The following KPNA6 variants were observed in gnomAD, a reference collection of about 807,000 sequenced individuals.
The protein encoded by KPNA6 is importin subunit alpha-7.
A neutral mutation model predicts 72.0 loss-of-function variants in KPNA6; 9 were observed. The ratio of observed to expected loss-of-function variants is 0.13; its 90% CI spans 0.08 to 0.22. KPNA6 has a LOEUF of 0.22. Ranked by LOEUF, KPNA6 falls within the 10% of genes least tolerant of loss-of-function variation. The pLI is 1.00. For missense variants in KPNA6, 374 were observed against 655.7 expected, an observed-to-expected ratio of 0.57 and a Z score of 4.69; for synonymous variants, 219 against 242.1, an observed-to-expected ratio of 0.90 and a Z score of 0.89.
intron 7 of KPNA6, 33 bp downstream of exon 7, chr1:32,160,736 C>T: frequency 6.4e-7 from 1 of 1,553,328 alleles, no homozygotes; most frequent in Non-Finnish European, 8.9e-7. Context: ...ACCTGGGCGT[C>T]TACTGGGTGG....
intron 1 of KPNA6, among the ~76,000 whole-genome samples, chr1:32,132,860 G>A (rs1570016790): frequency 6.6e-6 from 1 of 151,852 alleles, no homozygotes; most frequent in Non-Finnish European, 1.5e-5. Context: ...CCAAGATGGC[G>A]CCACTGCACT....
Position 32,108,100 on chromosome 1 carries a change from C to T in KPNA6, c.-31C>T, listed in dbSNP as rs780459416. On this transcript the variant is annotated 5_prime_UTR_variant, in exon 1 of 14. Transcript: ENST00000373625. ...GCCGCTGAAGCTGCCGCCGTTGCCT[C>T]CGCCGCCAAGAGTGAGCGAGCGGAC... The T allele has an allele frequency of 6.2e-7, 1 of 1,613,966 alleles. No individual in the cohort carries two copies. The highest frequency in any genetic ancestry group is 8.5e-7 in the Non-Finnish European group (1 of 1,179,898).
At chr1:32,151,729 G>A (rs1019901492) in intron 1 of KPNA6, among the ~76,000 whole-genome samples, 2 of 152,122 alleles carry the variant, frequency 1.3e-5, no homozygotes, top group Non-Finnish European at 2.9e-5. Flanking sequence ...GCTGTTGCCC[G>A]ATGTCTGAAA....
At chr1:32,117,839 C>G (rs1451388859) in intron 1 of KPNA6, among the ~76,000 whole-genome samples, 2 of 152,116 alleles carry the variant, frequency 1.3e-5, no homozygotes, top group Non-Finnish European at 2.9e-5. Context: ...AAAATATGGG[C>G]TGTTTGTACA....
At chr1:32,167,466 G>A (rs1303405527) in intron 12 of KPNA6, among the ~76,000 whole-genome samples, 170 bp downstream of exon 12, 2 of 151,970 alleles carry the variant, frequency 1.3e-5, no homozygotes, top group Non-Finnish European at 2.9e-5. Context: ...ATCTGGAATA[G>A]ATTCCATGTA....
intron 1 of KPNA6, among the ~76,000 whole-genome samples, chr1:32,124,507 CT>C (rs562731872): frequency 0.083 from 10,966 of 131,476 alleles, 607 homozygotes; most frequent in South Asian, 0.25. Flanking sequence ...GAGGCCTCAT[CT>C]TTTTTTTTTT....
intron 10 of KPNA6, 27 bp from the exon 11 acceptor site, chr1:32,166,078 T>C (rs767385779): frequency 6.4e-7 from 1 of 1,570,620 alleles, no homozygotes; most frequent in Non-Finnish European, 8.6e-7. Context: ...AATTTTTCTT[T>C]TGTTTCCTGT....
intron 1 of KPNA6, among the ~76,000 whole-genome samples, chr1:32,111,050 C>T (rs1003015294): frequency 6.6e-6 from 1 of 152,096 alleles, no homozygotes; most frequent in Admixed American, 6.6e-5. Context: ...ATAGGCCTTT[C>T]TTAGTAGCTG....
rs921407854 is a variant in KPNA6, at chr1:32,174,625, TC to T, written c.*3732del. On this transcript the variant is annotated 3_prime_UTR_variant, in exon 14 of 14. Transcript: ENST00000373625. The stretch of plus-strand genomic sequence containing the variant: ...TGGTATCCATCATCTTGAGCATTCT[TC>T]AGTAGATTCATCTAGGGTTCAGATT... The T allele has an allele frequency of 9.9e-5, 15 of 152,200 alleles. No individual in the cohort carries two copies. The highest frequency in any genetic ancestry group is 3.6e-4 in the African/African-American group (15 of 41,432). The allele number at this position is 152,200 out of a possible 1,614,324, so 9.4% of individuals were successfully genotyped here.
Position 32,150,127 on chromosome 1 carries a change from C to CTTTT in KPNA6, c.5-4441_5-4438dup, listed in dbSNP as rs35179721. ...GGATTAGATCTGGAAAATTTTTAGTCTTTTTTTTTTTTTTTTTTTTTTTGA... is the reference window on the plus strand; with the variant it reads ...GGATTAGATCTGGAAAATTTTTAGTCTTTTTTTTTTTTTTTTTTTTTTTTTTTGA... On this transcript the variant is annotated intron_variant, in intron 1 of 13. Coordinates refer to ENST00000373625, the MANE Select transcript of KPNA6 (RefSeq NM_012316.5). Among the ~76,000 whole-genome samples the CTTTT allele has an allele frequency of 1.4e-3, 124 of 87,044 alleles. 2 individuals carry two copies. The highest frequency in any genetic ancestry group is 3.9e-3 in the South Asian group (9 of 2,336). 57.1% of individuals were successfully genotyped at this position (87,044 alleles called of 152,430 possible).
At chr1:32,130,511 C>T (rs750881654) in intron 1 of KPNA6, among the ~76,000 whole-genome samples, 2 of 152,090 alleles carry the variant, frequency 1.3e-5, no homozygotes, top group East Asian at 1.9e-4. Flanking sequence ...TCAGGCCAGA[C>T]GCAGGGTCTC....
intron 1 of KPNA6, among the ~76,000 whole-genome samples, chr1:32,122,912 G>A (rs866057972): frequency 1.5e-4 from 23 of 149,810 alleles, no homozygotes; most frequent in Non-Finnish European, 1.8e-4. Context: ...AGCCGAGATC[G>A]TGCCATTGCA....
intron 11 of KPNA6, 78 bp from the exon 12 acceptor site, chr1:32,167,091 C>A: frequency 6.5e-7 from 1 of 1,537,716 alleles, no homozygotes; most frequent in Non-Finnish European, 8.9e-7. Context: ...TAAGTCTCAG[C>A]TGATTTGGGG....
chr1:32,153,306 C>T (rs1367167584), intron 1 of KPNA6, among the ~76,000 whole-genome samples: 2 of 152,032 alleles, frequency 1.3e-5, no homozygotes, highest in Admixed American at 1.3e-4. Flanking sequence ...TGGCTCATGC[C>T]TGTAATCCCA....
intron 1 of KPNA6, among the ~76,000 whole-genome samples, chr1:32,146,972 C>T (rs764494813): frequency 3.3e-5 from 5 of 152,050 alleles, no homozygotes; most frequent in Non-Finnish European, 5.9e-5. Flanking sequence ...CAATCCACCT[C>T]AGCCTCCCAA....
intron 2 of KPNA6, among the ~76,000 whole-genome samples, 173 bp from the exon 3 acceptor site, chr1:32,156,680 A>G (rs1217545981): frequency 6.6e-6 from 1 of 152,246 alleles, no homozygotes; most frequent in Admixed American, 6.5e-5. Context: ...TGACTGGATA[A>G]CTAAAATAAT....
intron 7 of KPNA6, among the ~76,000 whole-genome samples, chr1:32,161,001 C>A (rs1226487393): frequency 6.6e-6 from 1 of 152,068 alleles, no homozygotes; most frequent in African/African-American, 2.4e-5. Flanking sequence ...ACAAAAAATA[C>A]AAAAGTTAGC....
intron 1 of KPNA6, among the ~76,000 whole-genome samples, chr1:32,108,718 G>T (rs1641192112): frequency 1.3e-5 from 2 of 152,232 alleles, no homozygotes. Context: ...GTGTGGTTCG[G>T]TTGGGCTCAG....
At chr1:32,135,690 C>T (rs892482611) in intron 1 of KPNA6, among the ~76,000 whole-genome samples, 3 of 150,094 alleles carry the variant, frequency 2.0e-5, no homozygotes, top group African/African-American at 7.4e-5. Flanking sequence ...CTAGTCTTGA[C>T]CTCTTGGGCT....
Sources: gnomAD v4.1 joint callset for allele counts (sites outside exome capture counted in the v4.1 genomes callset) on GRCh38, gnomAD v4.1.1 for gene constraint, MANE v1.5 for transcripts, NCBI Gene and HGNC (gene_info 2026-07-23, HGNC 2026-07-21) for gene names.